Variants in KCNU1 observed in about 807,000 individuals in gnomAD.
KCNU1 encodes potassium calcium-activated channel subfamily U member 1.
Under a neutral mutation model 126.8 loss-of-function variants are expected in KCNU1, and 93 were observed. That is an observed-to-expected ratio of 0.73 (90% confidence interval 0.62 to 0.87). KCNU1 has a LOEUF of 0.87. KCNU1 is among the 40% of genes least tolerant of loss of function. The pLI is 0.00. For missense variants in KCNU1, 1,330 were observed against 1,367.1 expected, an observed-to-expected ratio of 0.97 and a Z score of 0.43; for synonymous variants, 523 against 494.2, an observed-to-expected ratio of 1.06 and a Z score of -0.77.
At chr8:36,823,711 G>A (rs1361424543) in intron 10 of KCNU1, among the ~76,000 whole-genome samples, 1 of 151,846 alleles carries the variant, frequency 6.6e-6, no homozygotes, top group African/African-American at 2.4e-5. Flanking sequence ...TAATACAATA[G>A]GAACAAAAGT....
At chr8:36,879,912 C>A (rs947585295) in intron 19 of KCNU1, among the ~76,000 whole-genome samples, 3 of 152,128 alleles carry the variant, frequency 2.0e-5, no homozygotes, top group East Asian at 1.9e-4. Context: ...TCACTCCAAC[C>A]GCCAATCAAG....
chr8:36,800,924 G>T (rs1447091303), intron 2 of KCNU1, among the ~76,000 whole-genome samples: 1 of 152,212 alleles, frequency 6.6e-6, no homozygotes, highest in East Asian at 1.9e-4. Context: ...AACAAAACAG[G>T]ACTGAGTGTG....
At chr8:36,901,087 T>C (rs1000364262) in intron 19 of KCNU1, among the ~76,000 whole-genome samples, 1 of 151,868 alleles carries the variant, frequency 6.6e-6, no homozygotes, top group African/African-American at 2.4e-5. Context: ...AAAAGGGAAT[T>C]GTAGAGGCTT....
chr8:36,848,619 C>T (rs988414009), intron 18 of KCNU1, among the ~76,000 whole-genome samples: 1 of 152,136 alleles, frequency 6.6e-6, no homozygotes, highest in Non-Finnish European at 1.5e-5. Flanking sequence ...TTTAAACTCT[C>T]CTCCTTTATA....
At chr8:36,842,018 G>A (rs1804976501) in intron 16 of KCNU1, among the ~76,000 whole-genome samples, 1 of 151,988 alleles carries the variant, frequency 6.6e-6, no homozygotes. Context: ...ATGGGATGAG[G>A]GCAAGAAAGA....
intron 22 of KCNU1, 64 bp downstream of exon 22, chr8:36,911,183 C>T: frequency 7.7e-7 from 1 of 1,299,226 alleles, no homozygotes; most frequent in Non-Finnish European, 1.1e-6. Flanking sequence ...TAATTAACTC[C>T]TCTTTGAAGT....
intron 5 of KCNU1, among the ~76,000 whole-genome samples, chr8:36,806,874 T>G (rs951163056): frequency 6.6e-6 from 1 of 152,214 alleles, no homozygotes; most frequent in Non-Finnish European, 1.5e-5. Flanking sequence ...ATCTATAAAA[T>G]AAATATGAAT....
chr8:36,924,694 A>C (rs906593108), intron 24 of KCNU1, among the ~76,000 whole-genome samples: 4 of 152,126 alleles, frequency 2.6e-5, no homozygotes, highest in Non-Finnish European at 4.4e-5. Context: ...TCTGTCACTG[A>C]TATGTCAATT....
chr8:36,811,908 A>G (rs560488988), intron 7 of KCNU1, among the ~76,000 whole-genome samples: 17 of 152,072 alleles, frequency 1.1e-4, no homozygotes, highest in Non-Finnish European at 2.1e-4. Flanking sequence ...CTAAAAATAT[A>G]AAAAAATTAG....
chr8:36,843,556 C>A (rs1805032252), intron 16 of KCNU1, among the ~76,000 whole-genome samples: 1 of 152,172 alleles, frequency 6.6e-6, no homozygotes, highest in African/African-American at 2.4e-5. Context: ...TCACACAACA[C>A]CCAAGTGGCA....
At position 36,841,016 on chromosome 8, in the gene KCNU1, CT is replaced by C; in HGVS notation, c.1703+14del. 1 of 1,311,996 alleles carries C rather than the reference CT, an allele frequency of 7.6e-7. No individual in the cohort carries two copies. The highest frequency in any genetic ancestry group is 1.8e-5 in the Admixed American group (1 of 56,638). 81.3% of individuals were successfully genotyped at this position (1,311,996 alleles called of 1,614,324 possible). On this transcript the variant is annotated intron_variant, in intron 16 of 26. Transcript: ENST00000399881. ...CGGATGGTTTCTGGTACCAATAAGT[CT>C]GCTCATCTCTTCAGTTGTTTTTTTT... is the stretch of plus-strand genomic sequence containing the variant.
intron 18 of KCNU1, among the ~76,000 whole-genome samples, chr8:36,847,932 C>T (rs1054292440): frequency 6.6e-5 from 10 of 152,164 alleles, no homozygotes; most frequent in Non-Finnish European, 1.0e-4. Flanking sequence ...CTACCAACAG[C>T]GTATGAGTTC....
chr8:36,864,362 G>A (rs1279577203), intron 18 of KCNU1, 42 bp from the exon 19 acceptor site: 4 of 1,178,622 alleles, frequency 3.4e-6, no homozygotes, highest in Non-Finnish European at 5.1e-6. Context: ...AATCCCTTGT[G>A]AAGAGATGTG....
chr8:36,809,357 A>C (rs915434346), intron 7 of KCNU1, among the ~76,000 whole-genome samples: 2 of 152,214 alleles, frequency 1.3e-5, no homozygotes, highest in African/African-American at 2.4e-5. Flanking sequence ...TCTTGAGGAC[A>C]GTTGAAGAGC....
At chr8:36,794,157 G>A (rs1268065744) in intron 2 of KCNU1, among the ~76,000 whole-genome samples, 1 of 150,294 alleles carries the variant, frequency 6.7e-6, no homozygotes, top group Non-Finnish European at 1.5e-5. Flanking sequence ...TTCCAAAGAA[G>A]AGGAGCCAAC....
chr8:36,828,742 G>A (rs1029124195), intron 10 of KCNU1, among the ~76,000 whole-genome samples: 1 of 152,026 alleles, frequency 6.6e-6, no homozygotes, highest in African/African-American at 2.4e-5. Context: ...ATGAAATAGT[G>A]TTTCTGTGTG....
At chr8:36,792,486 G>A (rs1802938614) in intron 2 of KCNU1, among the ~76,000 whole-genome samples, 1 of 152,184 alleles carries the variant, frequency 6.6e-6, no homozygotes, top group South Asian at 2.1e-4. Flanking sequence ...ACAGGTTTCT[G>A]AAGGGTCAGC....
In KCNU1 at chr8:36,913,844, G is replaced by A. The variant is rs377261404; in HGVS notation, c.2521+2725G>A. On this transcript the variant is annotated intron_variant, in intron 22 of 26. Transcript: ENST00000399881. ...TCTCGATCTCCTGACCTTGTGATCC[G>A]TCTGCCTCGGCCTCCCAAAGTGCTG... 2.0e-4 allele frequency among the ~76,000 whole-genome samples: 30 copies of A among 151,868 alleles called. 2 individuals carry two copies. In the East Asian group the frequency reaches 2.5e-3, roughly 13 times the overall value.
At chr8:36,854,856 C>T (rs183269009) in intron 18 of KCNU1, among the ~76,000 whole-genome samples, 62 of 152,176 alleles carry the variant, frequency 4.1e-4, no homozygotes, top group African/African-American at 1.4e-3. Flanking sequence ...TTATGGAAAT[C>T]AGATTCTCCA....
Sources: allele counts gnomAD v4.1 joint callset (sites outside exome capture counted in the v4.1 genomes callset), GRCh38; gene constraint gnomAD v4.1.1; transcripts MANE v1.5; gene names NCBI Gene and HGNC (gene_info 2026-07-23, HGNC 2026-07-21).